PTPRN2: variants seen among roughly 807,000 people sequenced by gnomAD.
The protein encoded by PTPRN2 is protein tyrosine phosphatase receptor type N2, also known as receptor-type tyrosine-protein phosphatase N2.
Under a neutral mutation model 118.8 loss-of-function variants are expected in PTPRN2, and 74 were observed. That is an observed-to-expected ratio of 0.62 (90% CI 0.52 to 0.76). The LOEUF (loss-of-function observed/expected upper bound fraction) is 0.76, where lower values mean the gene tolerates loss of function less well. Among genes scored for constraint, PTPRN2 ranks in the 30% least tolerant of loss-of-function variants. The pLI, the probability that PTPRN2 is intolerant of heterozygous loss-of-function variation, is 0.00. For synonymous variants in PTPRN2, 641 were observed against 608.0 expected (o/e 1.05, Z -0.80); for missense variants, 1,481 against 1,394.4 (o/e 1.06, Z -0.99).
At chr7:157,673,119 G>C (rs2150785040) in intron 13 of PTPRN2, among the ~76,000 whole-genome samples, 1 of 152,254 alleles carries the variant, frequency 6.6e-6, no homozygotes, top group Non-Finnish European at 1.5e-5. Flanking sequence ...TGCCTCCCAG[G>C]TTCAAGCAAT....
At position 158,581,214 on chromosome 7, in the gene PTPRN2, C is replaced by A. The variant is rs142055143; in HGVS notation, c.112+6344G>T. On this transcript the variant is annotated intron_variant, in intron 1 of 22. Transcript: ENST00000389418. ...GGCTCCAGAGACCTAGGACCCCATCCCAGGACTACCCACCAGGTGTCCTGT... is the reference window on the plus strand; with the variant it reads ...GGCTCCAGAGACCTAGGACCCCATCACAGGACTACCCACCAGGTGTCCTGT... Among the ~76,000 whole-genome samples the A allele has an allele frequency of 9.3e-4, 142 of 152,300 alleles. 1 individual carries two copies. Among genetic ancestry groups the A allele is most frequent in the African/African-American group, 3.2e-3 (131 of 41,580 alleles).
chr7:158,157,773 T>C (rs1821967558), intron 6 of PTPRN2, among the ~76,000 whole-genome samples: 1 of 152,204 alleles, frequency 6.6e-6, no homozygotes, highest in Non-Finnish European at 1.5e-5. Flanking sequence ...GGGTGCCCTC[T>C]CCTGCGCCTG....
chr7:157,837,969 AC>A (rs1441561424), intron 12 of PTPRN2, among the ~76,000 whole-genome samples: 1 of 151,732 alleles, frequency 6.6e-6, no homozygotes, highest in Non-Finnish European at 1.5e-5. Flanking sequence ...AGTGGATGGC[AC>A]GGGAGAAAGC....
At chr7:158,183,551 C>G in intron 5 of PTPRN2, among the ~76,000 whole-genome samples, 1 of 152,244 alleles carries the variant, frequency 6.6e-6, no homozygotes, top group East Asian at 1.9e-4. Flanking sequence ...GCAAGGTCCC[C>G]TGTGAGGCAG....
intron 12 of PTPRN2, among the ~76,000 whole-genome samples, chr7:157,848,291 T>C (rs1415624961): frequency 6.8e-6 from 1 of 147,262 alleles, no homozygotes; most frequent in Admixed American, 6.7e-5. Context: ...CCCTCTCTCA[T>C]TACATCGTGT....
In PTPRN2 at chr7:157,784,186, A is replaced by C. The variant is rs1029387623; in HGVS notation, c.1789-101249T>G. Among the ~76,000 whole-genome samples, 1 of 152,108 alleles carries C rather than the reference A, an allele frequency of 6.6e-6. No individual in the cohort carries two copies. The highest frequency in any genetic ancestry group is 2.4e-5 in the African/African-American group (1 of 41,434). On this transcript the variant is annotated intron_variant, in intron 12 of 22. Transcript: ENST00000389418. The surrounding 1 kb of genome is among the most constrained non-coding windows in gnomAD (Gnocchi z 4.6). Reference sequence around the variant, plus strand: ...CAGCTCAACGTTAGGCCAGGGACCAATCTTACCACGTGGCTTCTGGCCCAG... The same window carrying C: ...CAGCTCAACGTTAGGCCAGGGACCACTCTTACCACGTGGCTTCTGGCCCAG...
At chr7:158,234,791 C>A (rs1829420394) in intron 3 of PTPRN2, among the ~76,000 whole-genome samples, 1 of 152,112 alleles carries the variant, frequency 6.6e-6, no homozygotes, top group Admixed American at 6.6e-5. Context: ...GAGACGGAGT[C>A]TTGCTCTGTC....
At chr7:158,256,825 CA>C (rs1327272913) in intron 3 of PTPRN2, among the ~76,000 whole-genome samples, 1 of 151,904 alleles carries the variant, frequency 6.6e-6, no homozygotes, top group Non-Finnish European at 1.5e-5. Context: ...GTATTTTTCC[CA>C]AAAAATATAG....
At chr7:157,570,780 G>T (rs186619034) in intron 20 of PTPRN2, among the ~76,000 whole-genome samples, 15 of 152,226 alleles carry the variant, frequency 9.9e-5, no homozygotes, top group Middle Eastern at 3.4e-3. Context: ...ATCTGCAGAG[G>T]GTTCTGAGCC....
At chr7:158,199,411 G>T (rs1213579449) in intron 4 of PTPRN2, among the ~76,000 whole-genome samples, 1 of 152,246 alleles carries the variant, frequency 6.6e-6, no homozygotes, top group African/African-American at 2.4e-5. Context: ...GGGACCTCAT[G>T]TGTGGGAAGA....
At position 158,286,382 on chromosome 7, in the gene PTPRN2, T is replaced by C. The variant is rs1799770984; in HGVS notation, c.277+30437A>G. Among the ~76,000 whole-genome samples the C allele has an allele frequency of 2.0e-5, 3 of 152,204 alleles. 1 individual carries two copies. On this transcript the variant is annotated intron_variant, in intron 3 of 22. Coordinates refer to ENST00000389418, the MANE Select transcript of PTPRN2 (RefSeq NM_002847.5). ...TAATTGCCCTGGCTAGGTTTTGCAA[T>C]ACAGTGTTGAAAGAAGTGGCGAGAG...
At chr7:158,309,783 A>G (rs1200450866) in intron 3 of PTPRN2, among the ~76,000 whole-genome samples, 1 of 152,230 alleles carries the variant, frequency 6.6e-6, no homozygotes, top group Non-Finnish European at 1.5e-5. Context: ...TGGTCATAGA[A>G]TACACATGCT....
At chr7:157,931,673 G>A (rs891414332) in intron 11 of PTPRN2, among the ~76,000 whole-genome samples, 6 of 152,088 alleles carry the variant, frequency 3.9e-5, no homozygotes, top group Non-Finnish European at 8.8e-5. Flanking sequence ...CTTACATGAC[G>A]AGGGGACATT....
chr7:157,917,505 G>C (rs752397575), intron 11 of PTPRN2, among the ~76,000 whole-genome samples: 14 of 152,222 alleles, frequency 9.2e-5, no homozygotes, highest in East Asian at 1.9e-4. Flanking sequence ...AGGGAGCATG[G>C]CTGCGCAGTA....
At chr7:157,579,413 G>C (rs1800227644) in intron 17 of PTPRN2, among the ~76,000 whole-genome samples, 1 of 152,322 alleles carries the variant, frequency 6.6e-6, no homozygotes, top group Non-Finnish European at 1.5e-5. Context: ...TTTCAAACCT[G>C]CTCCTCCAAA....
At chr7:157,840,082 TG>T (rs1289096625) in intron 12 of PTPRN2, among the ~76,000 whole-genome samples, 1 of 149,554 alleles carries the variant, frequency 6.7e-6, no homozygotes, top group Non-Finnish European at 1.5e-5. Flanking sequence ...TGTGATTGTG[TG>T]GCCATATGTG....
rs147653756 is a variant in PTPRN2 at position 157,591,646 on chromosome 7, T to C, written c.2496+3592A>G. On this transcript the variant is annotated intron_variant, in intron 17 of 22. Transcript: ENST00000389418. This position sits in a 1 kb window ranked among gnomAD's most constrained non-coding sequence, Gnocchi z 4.4. ...CAAAGAGAACCCTAACTTTGAATTT[T>C]TAAGAATGTCAATCTTGGGGCTTAC... 4.6e-4 allele frequency among the ~76,000 whole-genome samples: 70 copies of C among 152,378 alleles called. No individual in the cohort carries two copies. The highest frequency in any genetic ancestry group is 1.6e-3 in the African/African-American group (68 of 41,592).
intron 11 of PTPRN2, among the ~76,000 whole-genome samples, chr7:157,907,180 C>G (rs570367538): frequency 2.6e-5 from 4 of 152,314 alleles, no homozygotes; most frequent in African/African-American, 9.6e-5. Context: ...ACCCCGTGAC[C>G]GAGCAGTGTG....
chr7:158,121,673 C>T (rs915082243), intron 9 of PTPRN2, among the ~76,000 whole-genome samples: 5 of 152,218 alleles, frequency 3.3e-5, no homozygotes, highest in African/African-American at 1.2e-4. Flanking sequence ...GAAGCATCCA[C>T]AAGACTCCTA....
Sources: allele counts gnomAD v4.1 joint callset (sites outside exome capture counted in the v4.1 genomes callset), GRCh38; gene constraint gnomAD v4.1.1; non-coding constraint Gnocchi (gnomAD v3.1); transcripts MANE v1.5; gene names NCBI Gene and HGNC (gene_info 2026-07-23, HGNC 2026-07-21).